The following MALRD1 variants were observed in gnomAD, a reference collection of about 807,000 sequenced individuals.
MALRD1 encodes MAM and LDL receptor class A domain containing 1.
A neutral mutation model predicts 242.1 loss-of-function variants in MALRD1; 247 were observed. The ratio of observed to expected loss-of-function variants is 1.02; its 90% CI spans 0.92 to 1.13. The LOEUF (loss-of-function observed/expected upper bound fraction) is 1.13, where lower values mean the gene tolerates loss of function less well. MALRD1 is among the 50% of genes most tolerant of loss of function. The pLI, the probability that MALRD1 is intolerant of heterozygous loss-of-function variation, is 0.00. For synonymous variants in MALRD1, 995 were observed against 866.6 expected, an observed-to-expected ratio of 1.15 and a Z score of -2.60; for missense variants, 2,989 against 2,533.1, an observed-to-expected ratio of 1.18 and a Z score of -3.86.
chr10:19,652,684 C>A (rs1315510078), intron 36 of MALRD1, among the ~76,000 whole-genome samples: 1 of 152,062 alleles, frequency 6.6e-6, no homozygotes, highest in East Asian at 1.9e-4. Context: ...CTAAGAACTA[C>A]CAGCTTACCA....
chr10:19,708,747 C>T lies in MALRD1; in HGVS notation c.6314+16193C>T, dbSNP rs193297145. Among the ~76,000 whole-genome samples, 414 of 122,642 alleles carry T rather than the reference C, an allele frequency of 3.4e-3. 61 individuals carry two copies. Among genetic ancestry groups the T allele is most frequent in the African/African-American group, 0.01 (390 of 38,500 alleles). 80.5% of individuals were successfully genotyped at this position (122,642 alleles called of 152,430 possible). The stretch of plus-strand genomic sequence containing the variant: ...CACGATCTCGGCTCACCACAACCTC[C>T]GCCTCCCAGGTTCAAGCGATTCTCC... On this transcript the variant is annotated intron_variant, in intron 38 of 39. Coordinates refer to ENST00000454679, the MANE Select transcript of MALRD1 (RefSeq NM_001142308.3).
chr10:19,355,748 A>T (rs1371485353), intron 26 of MALRD1, among the ~76,000 whole-genome samples: 6 of 150,030 alleles, frequency 4.0e-5, no homozygotes, highest in African/African-American at 1.5e-4. Context: ...CTTGGTTTAG[A>T]GACTCAAGCT....
intron 36 of MALRD1, among the ~76,000 whole-genome samples, chr10:19,663,817 G>A (rs1241149462): frequency 6.6e-6 from 1 of 151,590 alleles, no homozygotes; most frequent in Non-Finnish European, 1.5e-5. Context: ...CCCAGATATT[G>A]TTCTGGACAA....
chr10:19,271,412 C>T (rs1485462453), intron 19 of MALRD1, among the ~76,000 whole-genome samples: 2 of 152,116 alleles, frequency 1.3e-5, no homozygotes, highest in Non-Finnish European at 2.9e-5. Flanking sequence ...ACCCAAATAC[C>T]ATTTTATTTA....
intron 18 of MALRD1, among the ~76,000 whole-genome samples, chr10:19,223,976 C>G (rs1016000503): frequency 6.6e-6 from 1 of 152,074 alleles, no homozygotes; most frequent in Non-Finnish European, 1.5e-5. Context: ...GGTTCCTAGT[C>G]TTTTCTATTG....
At chr10:19,333,843 C>T (rs1190470982) in intron 24 of MALRD1, among the ~76,000 whole-genome samples, 2 of 151,958 alleles carry the variant, frequency 1.3e-5, no homozygotes, top group East Asian at 3.9e-4. Context: ...GGCATTTTGA[C>T]TAGTGTAAGA....
At chr10:19,198,300 A>G (rs955097443) in intron 14 of MALRD1, among the ~76,000 whole-genome samples, 1 of 152,194 alleles carries the variant, frequency 6.6e-6, no homozygotes, top group South Asian at 2.1e-4. Context: ...ACATATTTGC[A>G]TTGGTTCTTC....
intron 20 of MALRD1, among the ~76,000 whole-genome samples, chr10:19,280,425 T>G (rs970675373): frequency 6.6e-6 from 1 of 152,174 alleles, no homozygotes; most frequent in Non-Finnish European, 1.5e-5. Flanking sequence ...AAGTGGTAAG[T>G]GTCTTTAGAT....
intron 1 of MALRD1, among the ~76,000 whole-genome samples, chr10:19,064,343 A>C (rs1276799423): frequency 6.6e-6 from 1 of 152,216 alleles, no homozygotes; most frequent in African/African-American, 2.4e-5. Flanking sequence ...TCAGACTTGA[A>C]TGTGGATGTG....
chr10:19,048,926 A>G lies in MALRD1; in HGVS notation c.-13A>G. The G allele has an allele frequency of 6.5e-6, 8 of 1,233,078 alleles. No individual in the cohort carries two copies. The highest frequency in any genetic ancestry group is 8.1e-6 in the Non-Finnish European group (8 of 987,340). The allele number at this position is 1,233,078 out of a possible 1,614,324, so 76.4% of individuals were successfully genotyped here. ...ATTACAACTGCTTGATCTCTAATAG[A>G]CAATACCAAGTAATGCTCTTCTTCC... On this transcript the variant is annotated 5_prime_UTR_variant, in exon 1 of 40. Transcript: ENST00000454679.
intron 36 of MALRD1, among the ~76,000 whole-genome samples, chr10:19,670,066 GCA>G (rs3071775): frequency 0.07 from 10,409 of 147,954 alleles, 668 homozygotes; most frequent in African/African-American, 0.18. Flanking sequence ...CCTCGCACGT[GCA>G]CACACACACA....
chr10:19,179,327 A>G (rs1835394378), intron 14 of MALRD1, among the ~76,000 whole-genome samples: 1 of 152,172 alleles, frequency 6.6e-6, no homozygotes, highest in African/African-American at 2.4e-5. Flanking sequence ...AGTCAATGAC[A>G]ATGTATTGTA....
intron 36 of MALRD1, among the ~76,000 whole-genome samples, chr10:19,676,248 G>T (rs374937476): frequency 6.6e-6 from 1 of 152,190 alleles, no homozygotes; most frequent in Non-Finnish European, 1.5e-5. Flanking sequence ...AAGGTTTTGA[G>T]TCAGGCAACT....
chr10:19,204,962 G>T lies in MALRD1; in HGVS notation c.2275G>T (p.Asp759Tyr). 2 of 1,550,570 alleles carry T rather than the reference G, an allele frequency of 1.3e-6. No homozygotes were observed. Among genetic ancestry groups the T allele is most frequent in the South Asian group, 1.2e-5 (1 of 84,030 alleles). Reference protein sequence around the residue: ...ELQLHMENSHDSTVIWRVLYN... With the variant: ...ELQLHMENSHYSTVIWRVLYN... ...GCAGCTACATATGGAAAATTCTCAT[G>T]ACTCAACAGTGATTTGGAGAGTATT... is the stretch of plus-strand genomic sequence containing the variant. The change falls in exon 17 of 40, where the codon GAC (aspartate) becomes TAC (tyrosine). Residue 759 changes from aspartate (D) to tyrosine (Y), a missense_variant. Coordinates refer to ENST00000454679, the MANE Select transcript of MALRD1 (RefSeq NM_001142308.3).
intron 31 of MALRD1, among the ~76,000 whole-genome samples, chr10:19,503,469 G>A (rs909935028): frequency 6.6e-6 from 1 of 152,170 alleles, no homozygotes; most frequent in Non-Finnish European, 1.5e-5. Context: ...AGACATTGAC[G>A]AAGTTGGGGA....
chr10:19,474,257 G>A (rs1007141132), intron 29 of MALRD1, among the ~76,000 whole-genome samples: 6 of 151,840 alleles, frequency 4.0e-5, no homozygotes, highest in Non-Finnish European at 7.4e-5. Flanking sequence ...TGAAGAGTAG[G>A]ATCACTCTTC....
At chr10:19,703,899 A>G (rs1489647623) in intron 38 of MALRD1, among the ~76,000 whole-genome samples, 1 of 152,188 alleles carries the variant, frequency 6.6e-6, no homozygotes, top group African/African-American at 2.4e-5. Flanking sequence ...TGACTCAAAA[A>G]CAAATAAATA....
intron 29 of MALRD1, chr10:19,489,222 C>G (rs1441369072): frequency 2.1e-6 from 1 of 474,742 alleles, no homozygotes; most frequent in African/African-American, 2.0e-5. Flanking sequence ...AAGGCAGCAG[C>G]GAAGGATACA....
chr10:19,639,603 G>A (rs1173714274), intron 36 of MALRD1, among the ~76,000 whole-genome samples: 4 of 152,110 alleles, frequency 2.6e-5, no homozygotes, highest in African/African-American at 9.7e-5. Context: ...TGCATCTCAA[G>A]CCTTCCACCA....
Sources: allele counts gnomAD v4.1 joint callset (sites outside exome capture counted in the v4.1 genomes callset), GRCh38; gene constraint gnomAD v4.1.1; transcripts MANE v1.5; gene names NCBI Gene and HGNC (gene_info 2026-07-23, HGNC 2026-07-21).